The following CLVS1 variants were observed in gnomAD, a reference collection of about 807,000 sequenced individuals.
CLVS1 encodes clavesin 1, also known as clavesin-1.
Under a neutral mutation model 33.1 loss-of-function variants are expected in CLVS1, and 10 were observed. The ratio of observed to expected loss-of-function variants is 0.30; its 90% CI spans 0.19 to 0.51. The LOEUF is 0.51. Ranked by LOEUF, CLVS1 falls within the 20% of genes least tolerant of loss-of-function variation. The pLI, the probability that CLVS1 is intolerant of heterozygous loss-of-function variation, is 0.97. For missense variants in CLVS1, 343 were observed against 433.4 expected (o/e 0.79, Z 1.85); for synonymous variants, 163 against 166.1 (o/e 0.98, Z 0.14).
rs1033859094 is a variant in CLVS1, at chr8:61,186,628, C to G, written c.-152+54768C>G. On this transcript the variant is annotated intron_variant, in intron 2 of 2. Transcript: ENST00000522621. ...GAACAATGAAGAATGGGCACTATAA[C>G]TATTTGAAGAAGGAAAGAAAGAGAA... 2.0e-5 allele frequency among the ~76,000 whole-genome samples: 3 copies of G among 150,614 alleles called. No homozygotes were observed. The South Asian group carries it at 6.4e-4, about 32-fold the overall frequency.
At chr8:61,450,149 TAGA>T (rs1260360205) in intron 3 of CLVS1, among the ~76,000 whole-genome samples, 2 of 152,216 alleles carry the variant, frequency 1.3e-5, no homozygotes, top group Admixed American at 6.5e-5. Flanking sequence ...CATAAAACAT[TAGA>T]AGAAGAGAAT....
chr8:61,044,350 A>G, the CLVS1 span, among the ~76,000 whole-genome samples: 2 of 152,206 alleles, frequency 1.3e-5, no homozygotes, highest in Non-Finnish European at 2.9e-5. Context: ...AACACGTAAT[A>G]TCAATTGACC....
At chr8:61,349,121 T>G (rs987897455) in intron 2 of CLVS1, among the ~76,000 whole-genome samples, 2 of 152,164 alleles carry the variant, frequency 1.3e-5, no homozygotes, top group Non-Finnish European at 2.9e-5. Flanking sequence ...TTTTCACCCT[T>G]TGTTAGATGT....
At chr8:61,432,962 G>C (rs1448302888) in intron 3 of CLVS1, among the ~76,000 whole-genome samples, 1 of 152,040 alleles carries the variant, frequency 6.6e-6, no homozygotes, top group Non-Finnish European at 1.5e-5. Flanking sequence ...AGGGGAGGAG[G>C]GTAGGCAATG....
chr8:60,966,292 C>G, the CLVS1 span: 5 of 447,640 alleles, frequency 1.1e-5, no homozygotes, highest in South Asian at 7.9e-5. Flanking sequence ...GCTATGCAGC[C>G]CAGGTGAAGG....
intron 1 of CLVS1, among the ~76,000 whole-genome samples, chr8:61,119,677 C>A (rs1375120473): frequency 2.1e-5 from 3 of 144,458 alleles, no homozygotes; most frequent in Non-Finnish European, 4.5e-5. Context: ...AAATTCTTGT[C>A]TTTAAGAATG....
intron 3 of CLVS1, among the ~76,000 whole-genome samples, chr8:61,413,437 A>G (rs1815310765): frequency 6.6e-6 from 1 of 152,188 alleles, no homozygotes; most frequent in Non-Finnish European, 1.5e-5. Flanking sequence ...CAAGGCTTAC[A>G]TACAGGGGAA....
At chr8:61,057,673 C>T (rs1260741862) in intron 1 of CLVS1, among the ~76,000 whole-genome samples, 1 of 151,954 alleles carries the variant, frequency 6.6e-6, no homozygotes, top group Non-Finnish European at 1.5e-5. Context: ...CACAACTGTG[C>T]AGCAACCAGG....
intron 2 of CLVS1, among the ~76,000 whole-genome samples, chr8:61,313,808 G>A (rs990977679): frequency 2.6e-5 from 4 of 152,134 alleles, no homozygotes; most frequent in Non-Finnish European, 5.9e-5. Context: ...TTGAGAATGA[G>A]GGAGGAAGAG....
intron 2 of CLVS1, among the ~76,000 whole-genome samples, chr8:61,156,071 G>A (rs1449856318): frequency 1.3e-5 from 2 of 152,088 alleles, no homozygotes; most frequent in African/African-American, 4.8e-5. Flanking sequence ...AAAATTAGCT[G>A]GGCGTGGTGG....
At chr8:61,419,346 G>T (rs573598576) in intron 3 of CLVS1, among the ~76,000 whole-genome samples, 1 of 143,534 alleles carries the variant, frequency 7.0e-6, no homozygotes, top group East Asian at 2.0e-4. Flanking sequence ...GCAGTGAGCC[G>T]AGATCACGCC....
At chr8:61,112,971 T>C (rs1805656254) in intron 1 of CLVS1, among the ~76,000 whole-genome samples, 1 of 152,180 alleles carries the variant, frequency 6.6e-6, no homozygotes, top group Admixed American at 6.5e-5. Flanking sequence ...GTACTGCAAT[T>C]TGGGAGGATA....
At chr8:61,165,947 T>C (rs1315697931) in intron 2 of CLVS1, among the ~76,000 whole-genome samples, 1 of 151,648 alleles carries the variant, frequency 6.6e-6, no homozygotes, top group Non-Finnish European at 1.5e-5. Flanking sequence ...TTTGTGTGCA[T>C]GTGGCCAACC....
chr8:61,059,093 T>A (rs1248018797), intron 1 of CLVS1, among the ~76,000 whole-genome samples: 2 of 152,206 alleles, frequency 1.3e-5, no homozygotes, highest in Non-Finnish European at 1.5e-5. Flanking sequence ...ACAGCAGCTG[T>A]ACACTTAACT....
rs10429345 is a variant in CLVS1 at position 61,328,289 on chromosome 8, A to C, written c.455+28007A>C. Among the ~76,000 whole-genome samples, 444 of 152,312 alleles carry C rather than the reference A, an allele frequency of 2.9e-3. 4 individuals are homozygous for C. The highest frequency in any genetic ancestry group is 0.01 in the African/African-American group (430 of 41,578). On this transcript the variant is annotated intron_variant, in intron 2 of 5. Coordinates refer to ENST00000325897, the MANE Select transcript of CLVS1 (RefSeq NM_173519.3). Reference sequence around the variant, plus strand: ...GAAAATTTAGAAAGAACCCAAAATAAGAGTGTGGGATCCCAGCTAAAGGAA... The same window carrying C: ...GAAAATTTAGAAAGAACCCAAAATACGAGTGTGGGATCCCAGCTAAAGGAA...
At chr8:61,094,657 C>T (rs1396365396) in intron 1 of CLVS1, among the ~76,000 whole-genome samples, 1 of 152,124 alleles carries the variant, frequency 6.6e-6, no homozygotes, top group African/African-American at 2.4e-5. Context: ...TATGAGTGAG[C>T]TCTTATCCAA....
At chr8:61,199,118 T>C (rs1024274539) in intron 2 of CLVS1, among the ~76,000 whole-genome samples, 2 of 152,196 alleles carry the variant, frequency 1.3e-5, no homozygotes, top group Admixed American at 6.5e-5. Flanking sequence ...GGTAGGCCTA[T>C]TTTTAGTTCT....
upstream of CLVS1, among the ~76,000 whole-genome samples, chr8:61,053,098 T>C (rs887628930): frequency 6.6e-6 from 1 of 152,218 alleles, no homozygotes; most frequent in Admixed American, 6.5e-5. Context: ...AAAGGAGCTA[T>C]GTTTAATGGC....
At chr8:61,178,839 A>T (rs1238840415) in intron 2 of CLVS1, among the ~76,000 whole-genome samples, 5 of 152,168 alleles carry the variant, frequency 3.3e-5, no homozygotes, top group Non-Finnish European at 7.3e-5. Context: ...AGAGCTCCTG[A>T]AAAAAATCAC....
Sources: gnomAD v4.1 joint callset for allele counts (sites outside exome capture counted in the v4.1 genomes callset) on GRCh38, gnomAD v4.1.1 for gene constraint, MANE v1.5 for transcripts, NCBI Gene and HGNC (gene_info 2026-07-23, HGNC 2026-07-21) for gene names.